Variants in CTNNA2 observed in about 807,000 individuals in gnomAD.
The protein encoded by CTNNA2 is catenin alpha 2.
A neutral mutation model predicts 101.0 loss-of-function variants in CTNNA2; 42 were observed. That is an observed-to-expected ratio of 0.42 (90% CI 0.32 to 0.54). The LOEUF (loss-of-function observed/expected upper bound fraction) is 0.54, where lower values mean the gene tolerates loss of function less well. Ranked by LOEUF, CTNNA2 falls within the 20% of genes least tolerant of loss-of-function variation. CTNNA2 has a pLI of 0.14. For missense variants in CTNNA2, 871 were observed against 1,223.1 expected, an observed-to-expected ratio of 0.71 and a Z score of 4.29; for synonymous variants, 450 against 456.4, an observed-to-expected ratio of 0.99 and a Z score of 0.18.
intron 15 of CTNNA2, among the ~76,000 whole-genome samples, chr2:80,591,751 G>C (rs1696531240): frequency 6.6e-6 from 1 of 151,888 alleles, no homozygotes; most frequent in South Asian, 2.1e-4. Flanking sequence ...TTATTATCTT[G>C]TTGTTTTATT....
chr2:80,306,360 G>GT (rs1676946183), intron 7 of CTNNA2, among the ~76,000 whole-genome samples: 1 of 149,654 alleles, frequency 6.7e-6, no homozygotes, highest in Admixed American at 6.6e-5. Flanking sequence ...GGCACAGATG[G>GT]TTTTTTCTTT....
intron 9 of CTNNA2, among the ~76,000 whole-genome samples, chr2:80,451,604 T>C (rs988873306): frequency 2.6e-5 from 4 of 152,226 alleles, no homozygotes; most frequent in African/African-American, 9.6e-5. Flanking sequence ...CAAGAGACAG[T>C]TGTGAGAATC....
At chr2:79,995,181 G>A (rs1558710744) in intron 7 of CTNNA2, among the ~76,000 whole-genome samples, 1 of 152,198 alleles carries the variant, frequency 6.6e-6, no homozygotes, top group East Asian at 1.9e-4. Context: ...AGTCTGCTGA[G>A]AGGTAGGAAT....
chr2:79,687,664 T>G, intron 2 of CTNNA2: 1 of 614,530 alleles, frequency 1.6e-6, no homozygotes. Context: ...GGGTAACTCT[T>G]TTCATGAAAA....
chr2:79,677,222 CAG>C (rs1226487482), intron 2 of CTNNA2, among the ~76,000 whole-genome samples: 1 of 152,154 alleles, frequency 6.6e-6, no homozygotes. Context: ...ACCCTTTTCT[CAG>C]AGTCTTGTGA....
intron 7 of CTNNA2, among the ~76,000 whole-genome samples, chr2:80,076,083 T>C (rs1271946850): frequency 6.6e-6 from 1 of 151,956 alleles, no homozygotes; most frequent in Admixed American, 6.6e-5. Flanking sequence ...TAAGAACTTA[T>C]CAAGCCCTCT....
intron 2 of CTNNA2, among the ~76,000 whole-genome samples, chr2:79,716,062 C>T (rs1397691): frequency 0.16 from 24,501 of 151,754 alleles, 2,116 homozygotes; most frequent in Middle Eastern, 0.23. Context: ...TATCTTCCCC[C>T]TGTTAGGAAG....
At chr2:79,611,155 T>A (rs922914612) in intron 1 of CTNNA2, among the ~76,000 whole-genome samples, 1 of 152,148 alleles carries the variant, frequency 6.6e-6, no homozygotes, top group Non-Finnish European at 1.5e-5. Flanking sequence ...ACCCACCAAG[T>A]GAACACAGCA....
chr2:80,117,491 A>T (rs987678856), intron 7 of CTNNA2, among the ~76,000 whole-genome samples: 1 of 52,106 alleles, frequency 1.9e-5, no homozygotes, highest in South Asian at 7.4e-4. Context: ...TGTGTGTACA[A>T]TGTGTCCCCA....
chr2:79,715,220 A>C lies in CTNNA2; in HGVS notation c.103-29167A>C, dbSNP rs1686009480. ...AAAATTCCGTCAAAAAAAAAAAAAA[A>C]AAAAAAAAACCCACAGAGGAAGAGT... On this transcript the variant is annotated intron_variant, in intron 2 of 18. Coordinates refer to ENST00000402739, the MANE Select transcript of CTNNA2 (RefSeq NM_001282597.3). Among the ~76,000 whole-genome samples, 5 of 150,808 alleles carry C rather than the reference A, an allele frequency of 3.3e-5. No individual in the cohort carries two copies. The South Asian group carries it at 1.0e-3, about 31-fold the overall frequency.
At chr2:79,843,841 A>G (rs1431098062) in intron 3 of CTNNA2, among the ~76,000 whole-genome samples, 1 of 152,192 alleles carries the variant, frequency 6.6e-6, no homozygotes, top group Non-Finnish European at 1.5e-5. Context: ...CCAACTCCAT[A>G]ATGTGTAAAT....
intron 9 of CTNNA2, among the ~76,000 whole-genome samples, chr2:80,508,348 G>C (rs1688432914): frequency 6.6e-6 from 1 of 152,048 alleles, no homozygotes; most frequent in African/African-American, 2.4e-5. Context: ...AGCCAGGCGT[G>C]GTGACACACA....
At chr2:79,814,209 A>T (rs1558952442) in intron 3 of CTNNA2, among the ~76,000 whole-genome samples, 1 of 152,102 alleles carries the variant, frequency 6.6e-6, no homozygotes, top group Non-Finnish European at 1.5e-5. Context: ...TGGAGACACA[A>T]CTGAACCCAT....
chr2:79,844,680 C>T (rs1443021188), intron 3 of CTNNA2, among the ~76,000 whole-genome samples: 1 of 152,048 alleles, frequency 6.6e-6, no homozygotes, highest in Admixed American at 6.6e-5. Context: ...GACCTTTGGC[C>T]CTAAAGCCCG....
intron 1 of CTNNA2, among the ~76,000 whole-genome samples, chr2:79,515,935 A>G (rs1671786016): frequency 6.6e-6 from 1 of 152,152 alleles, no homozygotes; most frequent in African/African-American, 2.4e-5. Flanking sequence ...GCCTAACCCT[A>G]GGCTGAGTGG....
At chr2:80,622,270 C>T (rs1671211925) in intron 18 of CTNNA2, among the ~76,000 whole-genome samples, 1 of 151,830 alleles carries the variant, frequency 6.6e-6, no homozygotes, top group African/African-American at 2.4e-5. Flanking sequence ...CATGATCACT[C>T]ACAGCCACAA....
At chr2:80,361,129 T>C (rs1674364185) in intron 7 of CTNNA2, among the ~76,000 whole-genome samples, 1 of 152,092 alleles carries the variant, frequency 6.6e-6, no homozygotes, top group African/African-American at 2.4e-5. Context: ...CCAATTTTTG[T>C]AGGCTACAAA....
intron 7 of CTNNA2, among the ~76,000 whole-genome samples, chr2:79,941,096 C>A (rs1050552959): frequency 2.0e-5 from 3 of 152,164 alleles, no homozygotes; most frequent in African/African-American, 7.2e-5. Flanking sequence ...CCAGGTCCAG[C>A]TTATGTGGAT....
chr2:79,280,662 A>AT (rs1491367960), intron 2 of CTNNA2, among the ~76,000 whole-genome samples: 4 of 76,230 alleles, frequency 5.2e-5, no homozygotes, highest in East Asian at 4.3e-4. Flanking sequence ...TGTGTAAGAG[A>AT]AAGAGAGAGA....
Sources: allele counts gnomAD v4.1 joint callset (sites outside exome capture counted in the v4.1 genomes callset), GRCh38; gene constraint gnomAD v4.1.1; transcripts MANE v1.5; gene names NCBI Gene and HGNC (gene_info 2026-07-23, HGNC 2026-07-21).